MYO5C: variants seen among roughly 807,000 people sequenced by gnomAD.
MYO5C encodes the protein myosin VC.
In MYO5C, 194 loss-of-function variants were observed where a neutral mutation model predicts 235.7. The ratio of observed to expected loss-of-function variants is 0.82; its 90% CI spans 0.73 to 0.93. MYO5C has a LOEUF of 0.93. Among genes scored for constraint, MYO5C ranks in the 40% least tolerant of loss-of-function variants. The pLI, the probability that MYO5C is intolerant of heterozygous loss-of-function variation, is 0.00. For missense variants in MYO5C, 2,038 were observed against 2,127.2 expected, an observed-to-expected ratio of 0.96 and a Z score of 0.82; for synonymous variants, 707 against 754.8, an observed-to-expected ratio of 0.94 and a Z score of 1.04.
At chr15:52,241,574 T>C (rs551282497) in intron 20 of MYO5C, among the ~76,000 whole-genome samples, 27 of 152,274 alleles carry the variant, frequency 1.8e-4, no homozygotes, top group African/African-American at 6.3e-4. Flanking sequence ...GCTGATCTTT[T>C]AAAATTTCTT....
chr15:52,221,947 C>T (rs538325648), intron 29 of MYO5C, among the ~76,000 whole-genome samples: 1 of 152,272 alleles, frequency 6.6e-6, no homozygotes, highest in South Asian at 2.1e-4. Context: ...TTAGTAGAAA[C>T]CATACTTCAA....
chr15:52,285,885 C>T (rs985112708), intron 1 of MYO5C, among the ~76,000 whole-genome samples: 1 of 152,190 alleles, frequency 6.6e-6, no homozygotes, highest in Non-Finnish European at 1.5e-5. Context: ...TCTGCCCGGC[C>T]GCCACCCCAT....
rs201544019 is a variant in MYO5C, at chr15:52,261,122, A to C, written c.1053T>G (p.Asp351Glu). 277 of 1,613,440 alleles carry C rather than the reference A, an allele frequency of 1.7e-4. No individual in the cohort carries two copies. In the African/African-American group the frequency reaches 3.5e-3, roughly 20 times the overall value. ...VGNERSSVSE[D>E]DSHLKVFCEL... is the part of the protein sequence containing the mutation. ...CACAGAACACCTTCAGGTGACTGTC[A>C]TCCTCCTTCAAAAACAAGCACAAGC... Residue 351 changes from aspartate (D) to glutamate (E), a missense_variant, in exon 10 of 41, where the codon GAT becomes GAG. Transcript: ENST00000261839.
intron 38 of MYO5C, among the ~76,000 whole-genome samples, chr15:52,198,187 T>C (rs762433967): frequency 1.3e-5 from 2 of 151,854 alleles, no homozygotes; most frequent in African/African-American, 2.4e-5. Flanking sequence ...ACAAAAAAAT[T>C]AGCTGGGTAT....
chr15:52,219,412 A>G (rs1054214979), intron 31 of MYO5C, among the ~76,000 whole-genome samples: 2 of 152,234 alleles, frequency 1.3e-5, no homozygotes, highest in African/African-American at 4.8e-5. Flanking sequence ...TTGTTTGAAC[A>G]GATAATTCAA....
intron 25 of MYO5C, among the ~76,000 whole-genome samples, chr15:52,225,895 C>G (rs1409797036): frequency 1.3e-5 from 2 of 151,886 alleles, no homozygotes; most frequent in Admixed American, 6.6e-5. Flanking sequence ...ACTAAAAATA[C>G]AAAAATTAGC....
At chr15:52,246,181 C>A in intron 16 of MYO5C, 139 bp from the exon 17 acceptor site, 1 of 659,180 alleles carries the variant, frequency 1.5e-6, no homozygotes, top group Non-Finnish European at 2.7e-6. Flanking sequence ...ATTGCATGAC[C>A]AAGAAAAATA....
chr15:52,249,947 A>G (rs536470788), intron 13 of MYO5C, among the ~76,000 whole-genome samples: 14 of 152,356 alleles, frequency 9.2e-5, no homozygotes, highest in African/African-American at 3.4e-4. Flanking sequence ...TCCATAGTCC[A>G]GCCCAAACGC....
At chr15:52,263,384 T>C (rs1283301355) in intron 9 of MYO5C, among the ~76,000 whole-genome samples, 2 of 152,154 alleles carry the variant, frequency 1.3e-5, no homozygotes, top group Non-Finnish European at 2.9e-5. Flanking sequence ...TTAACTTGTG[T>C]CCATTAAATA....
intron 14 of MYO5C, 96 bp downstream of exon 14, chr15:52,248,604 A>T (rs1596190236): frequency 1.2e-6 from 1 of 828,012 alleles, no homozygotes; most frequent in Non-Finnish European, 2.0e-6. Flanking sequence ...ACACACACAC[A>T]CACTCTCTCT....
chr15:52,245,616 G>T (rs2036322437), intron 17 of MYO5C, 151 bp from the exon 18 acceptor site: 5 of 669,494 alleles, frequency 7.5e-6, no homozygotes, highest in South Asian at 6.8e-5. Context: ...TACCCTGCCT[G>T]CCTGGGACAC....
At chr15:52,279,415 G>T in intron 3 of MYO5C, 94 bp downstream of exon 3, 2 of 1,295,798 alleles carry the variant, frequency 1.5e-6, no homozygotes, top group South Asian at 1.7e-5. Flanking sequence ...ACAAACTCTG[G>T]GTGCTCAGTA....
chr15:52,242,957 T>A (rs907627880), intron 19 of MYO5C: 1 of 152,180 alleles, frequency 6.6e-6, no homozygotes, highest in Non-Finnish European at 1.5e-5. Flanking sequence ...ATAAGATGGA[T>A]GAAGAAAATT....
intron 37 of MYO5C, chr15:52,205,429 A>G (rs998685429): frequency 2.4e-5 from 11 of 450,906 alleles, no homozygotes; most frequent in Non-Finnish European, 3.9e-5. Flanking sequence ...ATGACAAATC[A>G]TGGCCTGGGC....
At chr15:52,282,982 C>T in intron 1 of MYO5C, 90 bp from the exon 2 acceptor site, 1 of 811,578 alleles carries the variant, frequency 1.2e-6, no homozygotes, top group Non-Finnish European at 2.1e-6. Context: ...TCTTTCTGTG[C>T]ACTAGGTCAG....
chr15:52,259,062 C>T (rs760813136), intron 10 of MYO5C, among the ~76,000 whole-genome samples: 1 of 152,150 alleles, frequency 6.6e-6, no homozygotes, highest in South Asian at 2.1e-4. Context: ...AGGAGCCGTA[C>T]ATCTATGCTG....
At chr15:52,262,950 G>A (rs1461302275) in intron 9 of MYO5C, among the ~76,000 whole-genome samples, 1 of 152,178 alleles carries the variant, frequency 6.6e-6, no homozygotes, top group Non-Finnish European at 1.5e-5. Context: ...TTGAGAAGGT[G>A]AGGCCTGCCA....
At chr15:52,223,483 C>A in intron 29 of MYO5C, 61 bp downstream of exon 29, 1 of 1,475,066 alleles carries the variant, frequency 6.8e-7, no homozygotes, top group East Asian at 2.3e-5. Context: ...AATTTGACGC[C>A]ACTGACAAAG....
intron 10 of MYO5C, among the ~76,000 whole-genome samples, chr15:52,259,187 G>A (rs367767833): frequency 2.0e-5 from 3 of 152,262 alleles, no homozygotes; most frequent in East Asian, 1.9e-4. Context: ...TTGGGAGGCC[G>A]AGATGGACAG....
Sources: gnomAD v4.1 joint callset for allele counts (sites outside exome capture counted in the v4.1 genomes callset) on GRCh38, gnomAD v4.1.1 for gene constraint, MANE v1.5 for transcripts, NCBI Gene and HGNC (gene_info 2026-07-23, HGNC 2026-07-21) for gene names.